The following PROS1 variants were observed in gnomAD, a reference collection of about 807,000 sequenced individuals.
PROS1 encodes the protein vitamin K-dependent protein S.
PROS1 carries 29 observed loss-of-function variants against 75.9 expected under a neutral mutation model. That is an observed-to-expected ratio of 0.38 (90% CI 0.28 to 0.52). The LOEUF is 0.52. Ranked by LOEUF, PROS1 falls within the 20% of genes least tolerant of loss-of-function variation. PROS1 has a pLI of 0.83. For missense variants in PROS1, 680 were observed against 810.3 expected, an observed-to-expected ratio of 0.84 and a Z score of 1.95; for synonymous variants, 245 against 280.6, an observed-to-expected ratio of 0.87 and a Z score of 1.27.
intron 1 of PROS1, among the ~76,000 whole-genome samples, chr3:93,948,888 T>C (rs1272821032): frequency 6.6e-6 from 1 of 152,240 alleles, no homozygotes; most frequent in Non-Finnish European, 1.5e-5. Context: ...CTTATTCATT[T>C]CTTCCATGTT....
intron 7 of PROS1, among the ~76,000 whole-genome samples, chr3:93,899,952 C>T (rs1708561628): frequency 6.6e-6 from 1 of 151,928 alleles, no homozygotes. Flanking sequence ...TACTTGTAGC[C>T]CCTAAATCTA....
intron 1 of PROS1, among the ~76,000 whole-genome samples, chr3:93,972,008 T>C (rs1709889189): frequency 6.6e-6 from 1 of 152,184 alleles, no homozygotes; most frequent in Non-Finnish European, 1.5e-5. Flanking sequence ...ATCAGTGTTA[T>C]ATATAACAAG....
intron 1 of PROS1, among the ~76,000 whole-genome samples, chr3:93,957,887 G>A (rs1217586071): frequency 1.3e-5 from 2 of 152,008 alleles, no homozygotes; most frequent in Non-Finnish European, 2.9e-5. Flanking sequence ...TCAGGAGTTC[G>A]AGACCAGCCT....
At chr3:93,942,835 G>A (rs558561031) in intron 1 of PROS1, among the ~76,000 whole-genome samples, 2 of 152,150 alleles carry the variant, frequency 1.3e-5, no homozygotes, top group African/African-American at 4.8e-5. Context: ...CTACTCCTCA[G>A]GGATTACTCA....
intron 14 of PROS1, among the ~76,000 whole-genome samples, chr3:93,875,905 C>T (rs1439382949): frequency 6.6e-6 from 1 of 152,096 alleles, no homozygotes; most frequent in African/African-American, 2.4e-5. Context: ...CTCTAATTTT[C>T]CATTTAAAGT....
intron 4 of PROS1, 40 bp downstream of exon 4, chr3:93,910,579 T>C (rs1708744990): frequency 2.6e-6 from 4 of 1,521,300 alleles, no homozygotes; most frequent in Non-Finnish European, 3.6e-6. Flanking sequence ...ACCTACAGAG[T>C]TTTTGTTTTG....
intron 3 of PROS1, 173 bp from the exon 4 acceptor site, chr3:93,910,878 T>G: frequency 1.6e-6 from 1 of 625,480 alleles, no homozygotes; most frequent in Non-Finnish European, 2.9e-6. Context: ...AAATTAAAAA[T>G]CTACAAGCAA....
At chr3:93,907,865 A>T (rs1472832463) in intron 4 of PROS1, among the ~76,000 whole-genome samples, 1 of 152,232 alleles carries the variant, frequency 6.6e-6, no homozygotes, top group Non-Finnish European at 1.5e-5. Flanking sequence ...TATTCTCAAC[A>T]TTAAGAGAAA....
At position 93,898,476 on chromosome 3, in the gene PROS1, T is replaced by C. The variant is rs1180554167; in HGVS notation, c.821A>G (p.Lys274Arg). The change falls in exon 8 of 15, where the codon AAA becomes AGA. Residue 274 changes from lysine to arginine, a missense_variant. Physicochemically the swap from Lys to Arg is conservative, Grantham distance 26. Coordinates refer to ENST00000394236, the MANE Select transcript of PROS1 (RefSeq NM_000313.4). ...TCYCDGKKGF[K>R]LAQDQKSCEV... The stretch of plus-strand genomic sequence containing the variant: ...ACAACTCTTCTGATCTTGGGCAAGT[T>C]TGAATCCTTTCTTCCCATCACAATA... 8 of 1,612,652 alleles carry C rather than the reference T, an allele frequency of 5.0e-6. No individual in the cohort carries two copies. The African/African-American group carries it at 6.7e-5, about 13-fold the overall frequency.
In PROS1 at chr3:93,973,510, T is replaced by C. The variant is rs540853264; in HGVS notation, c.76+164A>G. 7.8e-5 allele frequency: 55 copies of C among 709,504 alleles called. No individual in the cohort carries two copies. The South Asian group carries it at 8.6e-4, about 11-fold the overall frequency. The allele number at this position is 709,504 out of a possible 1,614,324, so 44.0% of individuals were successfully genotyped here. ...TAGTGATCCTGCCCCACCATTGCAC[T>C]GCCTGCTCTATCCACGGCTGTTTCC... is the stretch of plus-strand genomic sequence containing the variant. On this transcript the variant is annotated intron_variant, in intron 1 of 14. Transcript: ENST00000394236.
intron 1 of PROS1, among the ~76,000 whole-genome samples, chr3:93,940,198 C>A (rs1709261137): frequency 6.6e-6 from 1 of 152,204 alleles, no homozygotes; most frequent in Non-Finnish European, 1.5e-5. Context: ...CCATCAGTCA[C>A]TCCCAGAGCC....
At chr3:93,883,739 G>C (rs545226573) in intron 12 of PROS1, among the ~76,000 whole-genome samples, 46 of 151,890 alleles carry the variant, frequency 3.0e-4, no homozygotes, top group South Asian at 2.5e-3. Flanking sequence ...GGAGGCCAAG[G>C]GGGTGGATCA....
intron 6 of PROS1, among the ~76,000 whole-genome samples, chr3:93,901,926 G>A (rs973213411): frequency 1.3e-5 from 2 of 152,112 alleles, no homozygotes; most frequent in African/African-American, 2.4e-5. Flanking sequence ...TAAAATATCC[G>A]ATTTTTAAAA....
chr3:93,950,712 TA>T (rs1709482443), intron 1 of PROS1, among the ~76,000 whole-genome samples: 1 of 152,160 alleles, frequency 6.6e-6, no homozygotes, highest in Non-Finnish European at 1.5e-5. Context: ...CAAAGGTAGA[TA>T]AAACCACAAA....
At chr3:93,881,556 CTTTTTTTTTT>C (rs71105164) in intron 12 of PROS1, among the ~76,000 whole-genome samples, 2 of 118,468 alleles carry the variant, frequency 1.7e-5, no homozygotes, top group Admixed American at 9.9e-5. Flanking sequence ...GTAGTAAGCA[CTTTTTTTTTT>C]TTTTTTTTTG....
Position 93,973,689 on chromosome 3 carries a change from C to G in PROS1, c.61G>C (p.Val21Leu), listed in dbSNP as rs754518511. 6.2e-7 allele frequency: 1 copy of G among 1,613,958 alleles called. No individual in the cohort carries two copies. Among genetic ancestry groups the G allele is most frequent in the Admixed American group, 1.7e-5 (1 of 60,006 alleles). ...GATTACTCACAGTTTGCCTCTGAGA[C>G]GGGAAGCACTAGGAGGAGACACGCC... ...LLACLLLVLPVSEANFLSKQQ... is the reference protein window; with the variant it reads ...LLACLLLVLPLSEANFLSKQQ... The change falls in exon 1 of 15, where the codon GTC (valine) becomes CTC (leucine). Residue 21 changes from valine to leucine, a missense_variant. Physicochemically the swap from Val to Leu is conservative, Grantham distance 32. Transcript: ENST00000394236.
chr3:93,917,756 G>T (rs1466690106), intron 3 of PROS1, among the ~76,000 whole-genome samples: 1 of 152,164 alleles, frequency 6.6e-6, no homozygotes, highest in Non-Finnish European at 1.5e-5. Context: ...GGTGTACTAG[G>T]TCCCCCAGCA....
At chr3:93,918,877 C>G (rs1024918300) in intron 3 of PROS1, among the ~76,000 whole-genome samples, 10 of 152,084 alleles carry the variant, frequency 6.6e-5, no homozygotes, top group Admixed American at 3.9e-4. Context: ...TGTAAGTGTT[C>G]TTGAAAATAT....
In PROS1 at chr3:93,973,721, G is replaced by T. The variant is rs769834423; in HGVS notation, c.29C>A (p.Ala10Glu). 2.5e-6 allele frequency: 4 copies of T among 1,613,642 alleles called. No individual in the cohort carries two copies. The highest frequency in any genetic ancestry group is 1.7e-5 in the Admixed American group (1 of 59,988). Reference sequence around the variant, plus strand: ...CACTAGGAGGAGACACGCCAGCAGCGCCCCGCAGCGCCCACCCAGGACCCT... The same window carrying T: ...CACTAGGAGGAGACACGCCAGCAGCTCCCCGCAGCGCCCACCCAGGACCCT... The part of the protein sequence containing the change: MRVLGGRCG[A>E]LLACLLLVLP... Residue 10 changes from alanine (A) to glutamate (E), a missense_variant, in exon 1 of 15, where the codon GCG becomes GAG. Coordinates refer to ENST00000394236, the MANE Select transcript of PROS1 (RefSeq NM_000313.4).
Sources: gnomAD v4.1 joint callset for allele counts (sites outside exome capture counted in the v4.1 genomes callset) on GRCh38, gnomAD v4.1.1 for gene constraint, MANE v1.5 for transcripts, NCBI Gene and HGNC (gene_info 2026-07-23, HGNC 2026-07-21) for gene names.